Variants in OR2AG2 observed in about 807,000 individuals in gnomAD.
OR2AG2 encodes the protein olfactory receptor 2AG2.
For missense variants in OR2AG2, 390 were observed against 391.9 expected (o/e 1.00, Z 0.04); for synonymous variants, 167 against 157.1 (o/e 1.06, Z -0.47).
chr11:6,768,143 T>C lies in OR2AG2; in HGVS notation c.815A>G (p.Asn272Ser). Residue 272 changes from asparagine (N) to serine (S), a missense_variant, in exon 2 of 2, where the codon AAC (asparagine) becomes AGC (serine). Transcript: ENST00000641124. Reference protein sequence around the residue: ...PSSFHSPKQDNIISVFYTIVT... With the variant: ...PSSFHSPKQDSIISVFYTIVT... Reference sequence around the variant, plus strand: ...AATTGTGTAGAAAACAGAGATGATGTTGTCTTGTTTGGGGCTGTGGAAGGA... The same window carrying C: ...AATTGTGTAGAAAACAGAGATGATGCTGTCTTGTTTGGGGCTGTGGAAGGA... 1 of 1,614,164 alleles carries C rather than the reference T, an allele frequency of 6.2e-7. No homozygotes were observed. Among genetic ancestry groups the C allele is most frequent in the Non-Finnish European group, 8.5e-7 (1 of 1,180,016 alleles).
In OR2AG2 at chr11:6,766,409, A is replaced by C. The variant is rs1490157929; in HGVS notation, c.*1598T>G. 1 of 152,228 alleles carries C rather than the reference A, an allele frequency of 6.6e-6. No individual in the cohort carries two copies. The highest frequency in any genetic ancestry group is 6.5e-5 in the Admixed American group (1 of 15,280). The allele number at this position is 152,228 out of a possible 1,614,324, so 9.4% of individuals were successfully genotyped here. ...CAGTAAAATGCATATATGTGCAACA[A>C]AAAAGAAAAATTTATAAGTGATTTT... On this transcript the variant is annotated 3_prime_UTR_variant, in exon 2 of 2. Coordinates refer to ENST00000641124, the MANE Select transcript of OR2AG2 (RefSeq NM_001004490.2).
intron 1 of OR2AG2, among the ~76,000 whole-genome samples, chr11:6,771,324 A>G (rs1847444833): frequency 6.6e-6 from 1 of 152,308 alleles, no homozygotes; most frequent in South Asian, 2.1e-4. Flanking sequence ...ACATCAAACT[A>G]CTGGAGGCCA....
At position 6,766,909 on chromosome 11, in the gene OR2AG2, CTCAT is replaced by C. The variant is rs1740854961; in HGVS notation, c.*1094_*1097del. 1.3e-5 allele frequency: 2 copies of C among 152,156 alleles called. No homozygotes were observed. Among genetic ancestry groups the C allele is most frequent in the South Asian group, 4.1e-4 (2 of 4,828 alleles). The allele number at this position is 152,156 out of a possible 1,614,324, so 9.4% of individuals were successfully genotyped here. ...TAGACAATATTCCCAACAAATTTCTCTCATTGTTATTGTACTCACTTTAAAACTG... is the reference window on the plus strand; with the variant it reads ...TAGACAATATTCCCAACAAATTTCTCTGTTATTGTACTCACTTTAAAACTG... On this transcript the variant is annotated 3_prime_UTR_variant, in exon 2 of 2. Coordinates refer to ENST00000641124, the MANE Select transcript of OR2AG2 (RefSeq NM_001004490.2).
chr11:6,768,623 T>A lies in OR2AG2; in HGVS notation c.335A>T (p.Asp112Val), dbSNP rs1250566281. ...FLALTMGSAE[D>V]LLLAFMAYDR... ...ATAGGCCATGAAGGCCAGTAGGAGG[T>A]CCTCAGCGCTACCCATTGTCAGTGC... Residue 112 changes from aspartate to valine, a missense_variant, in exon 2 of 2, where the codon GAC becomes GTC. Coordinates refer to ENST00000641124, the MANE Select transcript of OR2AG2 (RefSeq NM_001004490.2). 5.6e-6 allele frequency: 9 copies of A among 1,613,876 alleles called. No homozygotes were observed. Among genetic ancestry groups the A allele is most frequent in the Non-Finnish European group, 7.6e-6 (9 of 1,180,010 alleles).
At chr11:6,771,142 ATATTT>A (rs1185998985) in intron 1 of OR2AG2, among the ~76,000 whole-genome samples, 2 of 152,198 alleles carry the variant, frequency 1.3e-5, no homozygotes, top group South Asian at 2.1e-4. Flanking sequence ...TTTTGGAAGT[ATATTT>A]TATAAGTTTT....
rs59734348 is a variant in OR2AG2, at chr11:6,771,908, A to G, written c.-824T>C. On this transcript the variant is annotated 5_prime_UTR_variant, in exon 1 of 2. Transcript: ENST00000641124. ...TGCGAGAAAGTCCTTACTGCTTTGG[A>G]ATGGTTCTAGCTGAGTTCTTAAGTC... is the stretch of plus-strand genomic sequence containing the variant. 42,522 of 151,956 alleles carry G rather than the reference A, an allele frequency of 0.28. 6,407 individuals are homozygous for G. The highest frequency in any genetic ancestry group is 0.37 in the Middle Eastern group (108 of 294). 9.4% of individuals were successfully genotyped at this position (151,956 alleles called of 1,614,324 possible). A position where few individuals can be genotyped will look rare whatever the true frequency, so the allele number is the denominator to read the frequency against.
Position 6,768,265 on chromosome 11 carries a change from A to T in OR2AG2, c.693T>A (p.Asn231Lys). ...VLFTVLRMPS[N>K]EGRKKALVTC... is the part of the protein sequence containing the mutation. ...TGACAAGGGCTTTCTTCCTCCCCTC[A>T]TTTGATGGCATACGAAGCACAGTGA... is the stretch of plus-strand genomic sequence containing the variant. Residue 231 changes from asparagine (N) to lysine (K), a missense_variant, in exon 2 of 2, where the codon AAT (asparagine) becomes AAA (lysine). Transcript: ENST00000641124. The T allele has an allele frequency of 6.2e-7, 1 of 1,614,158 alleles. No individual in the cohort carries two copies. The highest frequency in any genetic ancestry group is 8.5e-7 in the Non-Finnish European group (1 of 1,180,026).
chr11:6,770,309 T>C (rs1441364703), intron 1 of OR2AG2, among the ~76,000 whole-genome samples: 1 of 151,786 alleles, frequency 6.6e-6, no homozygotes, highest in Non-Finnish European at 1.5e-5. Context: ...ATAAGTGAGT[T>C]TTCAGGAAAG....
intron 1 of OR2AG2, among the ~76,000 whole-genome samples, 185 bp downstream of exon 1, chr11:6,771,437 T>C (rs192969677): frequency 1.8e-4 from 28 of 152,324 alleles, no homozygotes; most frequent in African/African-American, 6.7e-4. Context: ...AGAATTATTT[T>C]GGTTGTTCCT....
In OR2AG2 at chr11:6,768,711, C is replaced by T. The variant is rs139539437; in HGVS notation, c.247G>A (p.Ala83Thr). ...FTSVVTPKAL[A>T]DFLRRENTIS... is the part of the protein sequence containing the mutation. ...GTGTTTTCTCTGCGCAGAAAGTCCG[C>T]AAGGGCCTTGGGAGTGACAACAGAT... The change falls in exon 2 of 2, where the codon GCG becomes ACG. Residue 83 changes from alanine to threonine, a missense_variant. Physicochemically the swap from Ala to Thr is moderately conservative, Grantham distance 58. Coordinates refer to ENST00000641124, the MANE Select transcript of OR2AG2 (RefSeq NM_001004490.2). 1.5e-5 allele frequency: 25 copies of T among 1,614,040 alleles called. No homozygotes were observed. The African/African-American group carries it at 2.1e-4, about 14-fold the overall frequency.
rs975185534 is a variant in OR2AG2 at position 6,769,047 on chromosome 11, C to T, written c.-90G>A. 1.1e-6 allele frequency: 1 copy of T among 870,302 alleles called. No individual in the cohort carries two copies. The highest frequency in any genetic ancestry group is 1.7e-5 in the South Asian group (1 of 57,978). 53.9% of individuals were successfully genotyped at this position (870,302 alleles called of 1,614,324 possible). The stretch of plus-strand genomic sequence containing the variant: ...ACTCTAGCTTTGGATTGTTCTAGGT[C>T]ACTGTGCATTGGCCAATAGGAATCC... On this transcript the variant is annotated 5_prime_UTR_variant, in exon 2 of 2. An upstream open reading frame in the 5' UTR loses its in-frame stop. Transcript: ENST00000641124.
chr11:6,767,860 TA>T lies in OR2AG2; in HGVS notation c.*146del. 1.4e-6 allele frequency: 1 copy of T among 695,028 alleles called. No individual in the cohort carries two copies. The highest frequency in any genetic ancestry group is 3.0e-5 in the Admixed American group (1 of 33,156). The allele number at this position is 695,028 out of a possible 1,614,324, so 43.1% of individuals were successfully genotyped here. On this transcript the variant is annotated 3_prime_UTR_variant, in exon 2 of 2. Transcript: ENST00000641124. ...TACACACCAGATTCACAGTTGAAAA[TA>T]AAAGTAAAATTTAAAAAATGTATCT...
intron 1 of OR2AG2, among the ~76,000 whole-genome samples, chr11:6,771,390 T>C (rs1431564517): frequency 1.3e-5 from 2 of 152,194 alleles, no homozygotes; most frequent in Non-Finnish European, 2.9e-5. Flanking sequence ...GAGGCCATCA[T>C]CAGGAATTCT....
At position 6,768,210 on chromosome 11, in the gene OR2AG2, T is replaced by A. The variant is rs776419256; in HGVS notation, c.748A>T (p.Met250Leu). 1.1e-5 allele frequency: 18 copies of A among 1,613,982 alleles called. No homozygotes were observed. The highest frequency in any genetic ancestry group is 1.4e-5 in the Non-Finnish European group (17 of 1,180,010). ...ATGAATGTGGCAGCTCCATAGAACA[T>A]CCCGACCACAATCAGGTGGGAAGAG... ...TCSSHLIVVG[M>L]FYGAATFMYV... The change falls in exon 2 of 2, where the codon ATG (methionine) becomes TTG (leucine). Residue 250 changes from methionine (M) to leucine (L), a missense_variant. By Grantham distance (15) the Met-to-Leu change is conservative (BLOSUM62 2). Coordinates refer to ENST00000641124, the MANE Select transcript of OR2AG2 (RefSeq NM_001004490.2).
In OR2AG2 at chr11:6,769,035, A is replaced by T; in HGVS notation, c.-78T>A. ...CTAAAGGTGTTCACTCTAGCTTTGG[A>T]TTGTTCTAGGTCACTGTGCATTGGC... On this transcript the variant is annotated 5_prime_UTR_variant, in exon 2 of 2. Coordinates refer to ENST00000641124, the MANE Select transcript of OR2AG2 (RefSeq NM_001004490.2). 9.6e-7 allele frequency: 1 copy of T among 1,046,332 alleles called. No individual in the cohort carries two copies. Among genetic ancestry groups the T allele is most frequent in the Non-Finnish European group, 1.4e-6 (1 of 712,638 alleles). The allele number at this position is 1,046,332 out of a possible 1,614,324, so 64.8% of individuals were successfully genotyped here.
In OR2AG2 at chr11:6,768,601, G is replaced by T. The variant is rs1847408900; in HGVS notation, c.357C>A (p.Ala119=). ...SAEDLLLAFM[A]YDRYVAICHP... ...GACAAATGGCCACATACCTGTCATA[G>T]GCCATGAAGGCCAGTAGGAGGTCCT... is the stretch of plus-strand genomic sequence containing the variant. Residue 119 remains alanine, a synonymous_variant, in exon 2 of 2, where the codon GCC becomes GCA. Coordinates refer to ENST00000641124, the MANE Select transcript of OR2AG2 (RefSeq NM_001004490.2). 2 of 1,614,042 alleles carry T rather than the reference G, an allele frequency of 1.2e-6. No homozygotes were observed. Among genetic ancestry groups the T allele is most frequent in the African/African-American group, 2.7e-5 (2 of 74,910 alleles).
In OR2AG2 at chr11:6,769,002, A is replaced by G. The variant is rs1406699781; in HGVS notation, c.-45T>C. 1 of 1,418,960 alleles carries G rather than the reference A, an allele frequency of 7.0e-7. No homozygotes were observed. The highest frequency in any genetic ancestry group is 1.4e-5 in the African/African-American group (1 of 70,692). The allele number at this position is 1,418,960 out of a possible 1,614,324, so 87.9% of individuals were successfully genotyped here. On this transcript the variant is annotated 5_prime_UTR_variant, in exon 2 of 2. Coordinates refer to ENST00000641124, the MANE Select transcript of OR2AG2 (RefSeq NM_001004490.2). ...CTAGAACCAAATATATTATCAGTGG[A>G]AGCTTTTCTAAAGGTGTTCACTCTA... is the stretch of plus-strand genomic sequence containing the variant.
In OR2AG2 at chr11:6,767,827, G is replaced by T; in HGVS notation, c.*180C>A. 1 of 581,834 alleles carries T rather than the reference G, an allele frequency of 1.7e-6. No homozygotes were observed. The allele number at this position is 581,834 out of a possible 1,614,324, so 36.0% of individuals were successfully genotyped here. On this transcript the variant is annotated 3_prime_UTR_variant, in exon 2 of 2. Transcript: ENST00000641124. Reference sequence around the variant, plus strand: ...TGTGTGCCAAATGAGTTTAACTCAAGATCATTGTACACACCAGATTCACAG... The same window carrying T: ...TGTGTGCCAAATGAGTTTAACTCAATATCATTGTACACACCAGATTCACAG...
Position 6,769,053 on chromosome 11 carries a change from G to C in OR2AG2, c.-96C>G, listed in dbSNP as rs1426402811. Reference sequence around the variant, plus strand: ...GCTTTGGATTGTTCTAGGTCACTGTGCATTGGCCAATAGGAATCCCATAAT... The same window carrying C: ...GCTTTGGATTGTTCTAGGTCACTGTCCATTGGCCAATAGGAATCCCATAAT... On this transcript the variant is annotated 5_prime_UTR_variant, in exon 2 of 2. Coordinates refer to ENST00000641124, the MANE Select transcript of OR2AG2 (RefSeq NM_001004490.2). 5 of 782,892 alleles carry C rather than the reference G, an allele frequency of 6.4e-6. No individual in the cohort carries two copies. The highest frequency in any genetic ancestry group is 1.0e-5 in the Non-Finnish European group (5 of 492,294). The allele number at this position is 782,892 out of a possible 1,614,324, so 48.5% of individuals were successfully genotyped here.
Sources: allele counts gnomAD v4.1 joint callset (sites outside exome capture counted in the v4.1 genomes callset), GRCh38; gene constraint gnomAD v4.1.1; transcripts MANE v1.5; gene names NCBI Gene and HGNC (gene_info 2026-07-23, HGNC 2026-07-21).